ADAMTSL1: variants seen among roughly 807,000 people sequenced by gnomAD.
The protein encoded by ADAMTSL1 is ADAMTS-like protein 1.
A neutral mutation model predicts 201.8 loss-of-function variants in ADAMTSL1; 126 were observed. The observed-to-expected ratio is 0.62, with a 90% confidence interval of 0.54 to 0.72. The LOEUF is 0.72. Among genes scored for constraint, ADAMTSL1 ranks in the 30% least tolerant of loss-of-function variants. The pLI, the probability that ADAMTSL1 is intolerant of heterozygous loss-of-function variation, is 0.00. For synonymous variants in ADAMTSL1, 1,121 were observed against 903.4 expected (o/e 1.24, Z -4.32); for missense variants, 2,679 against 2,277.8 (o/e 1.18, Z -3.59).
intron 1 of ADAMTSL1, among the ~76,000 whole-genome samples, chr9:17,977,243 T>G (rs1319841769): frequency 1.3e-5 from 2 of 152,114 alleles, no homozygotes; most frequent in African/African-American, 4.8e-5. Flanking sequence ...TTATTGATGA[T>G]TTTTATGTCT....
At chr9:17,922,872 T>A (rs1826364249) in intron 1 of ADAMTSL1, among the ~76,000 whole-genome samples, 1 of 152,202 alleles carries the variant, frequency 6.6e-6, no homozygotes, top group Non-Finnish European at 1.5e-5. Flanking sequence ...AGGAATAGCC[T>A]CAGCTCTCAG....
chr9:18,231,571 A>G (rs183514278), intron 2 of ADAMTSL1, among the ~76,000 whole-genome samples: 2 of 152,116 alleles, frequency 1.3e-5, no homozygotes, highest in East Asian at 1.9e-4. Flanking sequence ...TTTACTCTCC[A>G]TGTTGTTAGG....
At chr9:18,899,552 A>G (rs1226203276) in intron 26 of ADAMTSL1, among the ~76,000 whole-genome samples, 1 of 152,220 alleles carries the variant, frequency 6.6e-6, no homozygotes, top group Non-Finnish European at 1.5e-5. Flanking sequence ...AAACTATACT[A>G]CAGTAACAAA....
At position 18,903,612 on chromosome 9, in the gene ADAMTSL1, G is replaced by A. The variant is rs566980553; in HGVS notation, c.4852-2170G>A. On this transcript the variant is annotated intron_variant, in intron 26 of 28. Coordinates refer to ENST00000380548, the MANE Select transcript of ADAMTSL1 (RefSeq NM_001040272.6). ...AAAAACTATAATGAATGTCAAGGTT[G>A]ACAGTAGAGCATCAAACCAACCACA... Among the ~76,000 whole-genome samples the A allele has an allele frequency of 3.3e-5, 5 of 152,318 alleles. No homozygotes were observed. The South Asian group carries it at 1.0e-3, about 32-fold the overall frequency.
chr9:18,292,336 C>T (rs190838376), intron 2 of ADAMTSL1, among the ~76,000 whole-genome samples: 12 of 152,018 alleles, frequency 7.9e-5, no homozygotes, highest in East Asian at 5.8e-4. Flanking sequence ...GGAATGGGTA[C>T]GATAGCAGTA....
At chr9:18,135,318 T>C (rs1826114707) in intron 1 of ADAMTSL1, among the ~76,000 whole-genome samples, 1 of 152,142 alleles carries the variant, frequency 6.6e-6, no homozygotes, top group Admixed American at 6.5e-5. Context: ...ACAAAAACAG[T>C]GTTCATTAAT....
chr9:18,558,049 G>A (rs12685259), intron 3 of ADAMTSL1, among the ~76,000 whole-genome samples: 37,963 of 151,886 alleles, frequency 0.25, 5,180 homozygotes, highest in East Asian at 0.59. Flanking sequence ...TGGGATACAC[G>A]TGCAGAACGT....
chr9:18,454,896 T>G (rs1198381227), intron 2 of ADAMTSL1, among the ~76,000 whole-genome samples: 1 of 152,186 alleles, frequency 6.6e-6, no homozygotes, highest in Non-Finnish European at 1.5e-5. Context: ...TTAGGCTTCA[T>G]AAACTATGTA....
chr9:18,166,645 G>T (rs1164631702), intron 2 of ADAMTSL1, among the ~76,000 whole-genome samples: 2 of 151,930 alleles, frequency 1.3e-5, no homozygotes, highest in African/African-American at 4.8e-5. Context: ...ATTTTGGACA[G>T]AAGTAGCATT....
intron 1 of ADAMTSL1, among the ~76,000 whole-genome samples, chr9:18,115,977 T>G (rs1825232679): frequency 6.6e-6 from 1 of 152,146 alleles, no homozygotes; most frequent in Non-Finnish European, 1.5e-5. Flanking sequence ...CATTCTAGTT[T>G]TACTAAGTTG....
chr9:18,757,743 C>G (rs959031565), intron 16 of ADAMTSL1, among the ~76,000 whole-genome samples: 1 of 152,204 alleles, frequency 6.6e-6, no homozygotes, highest in African/African-American at 2.4e-5. Flanking sequence ...CACTCAGGTG[C>G]TTTCTCATGA....
intron 19 of ADAMTSL1, among the ~76,000 whole-genome samples, chr9:18,792,447 C>T (rs913268084): frequency 7.9e-5 from 12 of 152,172 alleles, no homozygotes; most frequent in African/African-American, 2.7e-4. Context: ...CCTCCTGCTG[C>T]GAGTGTCCAA....
At chr9:18,827,450 C>G (rs922917388) in intron 22 of ADAMTSL1, among the ~76,000 whole-genome samples, 2 of 151,910 alleles carry the variant, frequency 1.3e-5, no homozygotes, top group African/African-American at 2.4e-5. Flanking sequence ...TTCAGAGAGG[C>G]CCAAACGGGT....
intron 1 of ADAMTSL1, among the ~76,000 whole-genome samples, chr9:17,955,094 G>A (rs547559175): frequency 6.6e-4 from 101 of 152,294 alleles, no homozygotes; most frequent in African/African-American, 2.3e-3. Flanking sequence ...TGCCGTGTGT[G>A]TATACGATAT....
intron 2 of ADAMTSL1, among the ~76,000 whole-genome samples, chr9:18,199,538 T>C (rs1247543075): frequency 3.9e-5 from 6 of 152,064 alleles, no homozygotes; most frequent in African/African-American, 1.4e-4. Flanking sequence ...TATGAAGTTA[T>C]TTGTATTTTG....
In ADAMTSL1 at chr9:18,374,080, C is replaced by T. The variant is rs181629633; in HGVS notation, c.208-130749C>T. 9.6e-4 allele frequency among the ~76,000 whole-genome samples: 146 copies of T among 152,294 alleles called. 1 individual carries two copies. The highest frequency in any genetic ancestry group is 3.0e-3 in the African/African-American group (123 of 41,570). On this transcript the variant is annotated intron_variant, in intron 2 of 29. Transcript: ENST00000680146. ...ACAACCAGCCTTACCCAAGGAGATT[C>T]TGACTTAATTGGACTTGTGTATGGC... is the stretch of plus-strand genomic sequence containing the variant.
intron 1 of ADAMTSL1, among the ~76,000 whole-genome samples, chr9:18,124,738 C>T (rs1825662898): frequency 6.6e-6 from 1 of 152,074 alleles, no homozygotes; most frequent in Non-Finnish European, 1.5e-5. Context: ...AATGGAAAGC[C>T]ATTTTAAGGC....
chr9:18,757,455 A>G (rs146864412), intron 16 of ADAMTSL1, among the ~76,000 whole-genome samples: 8 of 152,222 alleles, frequency 5.3e-5, no homozygotes, highest in African/African-American at 1.9e-4. Flanking sequence ...TTTGATCATG[A>G]CAGTCTACTG....
At chr9:18,554,495 C>G (rs570960891) in intron 3 of ADAMTSL1, among the ~76,000 whole-genome samples, 1 of 151,700 alleles carries the variant, frequency 6.6e-6, no homozygotes, top group Non-Finnish European at 1.5e-5. Flanking sequence ...TGACCCAATG[C>G]GAATCCAAGA....
Sources: allele counts gnomAD v4.1 joint callset (sites outside exome capture counted in the v4.1 genomes callset), GRCh38; gene constraint gnomAD v4.1.1; transcripts MANE v1.5; gene names NCBI Gene and HGNC (gene_info 2026-07-23, HGNC 2026-07-21).